CR1: variants seen among roughly 807,000 people sequenced by gnomAD.
CR1 encodes complement C3b/C4b receptor 1 (Knops blood group).
A neutral mutation model predicts 187.3 loss-of-function variants in CR1; 116 were observed. The observed-to-expected ratio is 0.62, with a 90% CI of 0.53 to 0.72. CR1 has a LOEUF of 0.72. Among genes scored for constraint, CR1 ranks in the 30% least tolerant of loss-of-function variants. The pLI, the probability that CR1 is intolerant of heterozygous loss-of-function variation, is 0.00. For missense variants in CR1, 1,731 were observed against 2,110.7 expected (o/e 0.82, Z 3.52); for synonymous variants, 576 against 747.1 (o/e 0.77, Z 3.73).
At position 207,496,403 on chromosome 1, in the gene CR1, G is replaced by A. The variant is rs764815300; in HGVS notation, c.121+15G>A. 7 of 1,595,922 alleles carry A rather than the reference G, an allele frequency of 4.4e-6. No individual in the cohort carries two copies. Among genetic ancestry groups the A allele is most frequent in the Admixed American group, 1.8e-5 (1 of 56,976 alleles). On this transcript the variant is annotated intron_variant, in intron 1 of 46. Coordinates refer to ENST00000367049, the MANE Select transcript of CR1 (RefSeq NM_000651.6). ...GGTGGCCTGGGGTGAGAGGCGGGCG[G>A]GCGTGGGGAGGCGCCCGGGCGGACG...
chr1:207,590,913 T>C (rs1305260755), intron 35 of CR1, among the ~76,000 whole-genome samples: 1 of 152,144 alleles, frequency 6.6e-6, no homozygotes, highest in Non-Finnish European at 1.5e-5. Context: ...CTATCCTAAA[T>C]ATATATGCAC....
intron 5 of CR1, among the ~76,000 whole-genome samples, chr1:207,526,361 A>C (rs560761938): frequency 2.4e-4 from 37 of 151,884 alleles, no homozygotes; most frequent in South Asian, 6.2e-4. Context: ...TTTATTGCTT[A>C]AAATGCAAGA....
chr1:207,520,884 A>G (rs1213586083), intron 4 of CR1, among the ~76,000 whole-genome samples: 1 of 150,692 alleles, frequency 6.6e-6, no homozygotes, highest in African/African-American at 2.4e-5. Context: ...ACTTTAAAAC[A>G]GATTTTTTAC....
intron 1 of CR1, among the ~76,000 whole-genome samples, chr1:207,503,327 T>C (rs2102333175): frequency 6.6e-6 from 1 of 152,358 alleles, no homozygotes; most frequent in Admixed American, 6.5e-5. Context: ...TATACCATTC[T>C]CTTTTTGTAT....
intron 1 of CR1, 111 bp from the exon 2 acceptor site, chr1:207,505,793 G>A (rs574038640): frequency 1.3e-5 from 16 of 1,211,482 alleles, no homozygotes; most frequent in South Asian, 3.1e-5. Context: ...CCAAGATAGC[G>A]CCACTGCACT....
chr1:207,622,001 G>A lies in CR1; in HGVS notation c.7276+5G>A. 10 of 1,595,660 alleles carry A rather than the reference G, an allele frequency of 6.3e-6. No individual in the cohort carries two copies. Among genetic ancestry groups the A allele is most frequent in the Non-Finnish European group, 7.7e-6 (9 of 1,169,324 alleles). On this transcript the variant is annotated splice_donor_5th_base_variant and intron_variant, in intron 44 of 46. Coordinates refer to ENST00000367049, the MANE Select transcript of CR1 (RefSeq NM_000651.6). Reference sequence around the variant, plus strand: ...CACATGATGCTCTCATAGTTGGTAAGTTTTATGAAAGTTTTGCTGAGGAAT... The same window carrying A: ...CACATGATGCTCTCATAGTTGGTAAATTTTATGAAAGTTTTGCTGAGGAAT...
At chr1:207,497,085 T>C (rs1392545929) in intron 1 of CR1, among the ~76,000 whole-genome samples, 1 of 152,152 alleles carries the variant, frequency 6.6e-6, no homozygotes, top group Non-Finnish European at 1.5e-5. Flanking sequence ...ATGCACTTAA[T>C]TGACAGCATA....
At chr1:207,598,421 C>CTTTTTTTTTTTTT (rs11392366) in intron 35 of CR1, among the ~76,000 whole-genome samples, 1 of 148,608 alleles carries the variant, frequency 6.7e-6, no homozygotes, top group Non-Finnish European at 1.5e-5. Flanking sequence ...AAGACAAGAA[C>CTTTTTTTTTTTTT]TTTTTTTTTT....
At chr1:207,565,773 A>C in intron 23 of CR1, 65 bp from the exon 24 acceptor site, 1 of 1,601,562 alleles carries the variant, frequency 6.2e-7, no homozygotes, top group Non-Finnish European at 8.5e-7. Flanking sequence ...GCTGGGCCTT[A>C]GATTGTGAAC....
At chr1:207,584,238 C>A (rs1362744156) in intron 32 of CR1, among the ~76,000 whole-genome samples, 4 of 152,116 alleles carry the variant, frequency 2.6e-5, no homozygotes, top group Non-Finnish European at 5.9e-5. Context: ...AGGATGAAGA[C>A]TCTTGATGTC....
chr1:207,627,838 T>C (rs1200159071), intron 45 of CR1, among the ~76,000 whole-genome samples: 2 of 152,152 alleles, frequency 1.3e-5, no homozygotes, highest in African/African-American at 2.4e-5. Flanking sequence ...GCAAATTCAG[T>C]GTCTGGTGGG....
chr1:207,597,468 C>T (rs963121877), intron 35 of CR1, among the ~76,000 whole-genome samples: 10 of 152,158 alleles, frequency 6.6e-5, no homozygotes, highest in African/African-American at 2.4e-4. Context: ...GGGAAATATA[C>T]AAATGCCCAA....
chr1:207,503,569 T>G (rs1403615868), intron 1 of CR1, among the ~76,000 whole-genome samples: 1 of 152,152 alleles, frequency 6.6e-6, no homozygotes, highest in African/African-American at 2.4e-5. Flanking sequence ...AGCACCATAG[T>G]GTCTCTGAAT....
Position 207,588,722 on chromosome 1 carries a change from A to T in CR1, c.5758A>T (p.Ile1920Leu). ...AGAACCCTTCAATGGAATGGTGCAT[A>T]TAAACACAGATACACAGTTTGGATC... ...PPEPFNGMVH[I>L]NTDTQFGSTV... Residue 1920 changes from isoleucine to leucine, a missense_variant, in exon 35 of 47, where the codon ATA (isoleucine) becomes TTA (leucine). Physicochemically the swap from Ile to Leu is conservative, Grantham distance 5 (BLOSUM62 2). Transcript: ENST00000367049. 6.2e-7 allele frequency: 1 copy of T among 1,613,128 alleles called. No homozygotes were observed. The highest frequency in any genetic ancestry group is 8.5e-7 in the Non-Finnish European group (1 of 1,179,560).
chr1:207,605,902 G>A (rs1024512892), intron 35 of CR1: 2 of 152,114 alleles, frequency 1.3e-5, no homozygotes, highest in Non-Finnish European at 2.9e-5. Context: ...AAACATTGAC[G>A]GTCATTGCCA....
chr1:207,515,564 T>G (rs1019001023), intron 4 of CR1, among the ~76,000 whole-genome samples: 5 of 152,100 alleles, frequency 3.3e-5, no homozygotes, highest in African/African-American at 1.2e-4. Context: ...GATACTCTTT[T>G]GTGTCCAGCT....
At chr1:207,499,116 A>G (rs1176149076) in intron 1 of CR1, among the ~76,000 whole-genome samples, 1 of 152,174 alleles carries the variant, frequency 6.6e-6, no homozygotes, top group Non-Finnish European at 1.5e-5. Flanking sequence ...ACTGTGTACA[A>G]CAAGACCGTT....
intron 42 of CR1, among the ~76,000 whole-genome samples, chr1:207,619,561 C>T (rs1002225133): frequency 6.6e-6 from 1 of 152,166 alleles, no homozygotes; most frequent in Non-Finnish European, 1.5e-5. Flanking sequence ...TGTTCCCTCA[C>T]AGCGTGACCC....
intron 28 of CR1, among the ~76,000 whole-genome samples, chr1:207,576,240 A>C (rs1376137325): frequency 3.9e-5 from 6 of 152,242 alleles, no homozygotes; most frequent in Non-Finnish European, 5.9e-5. Flanking sequence ...TGAGGAAATC[A>C]GCAATTTCAA....
Sources: allele counts gnomAD v4.1 joint callset (sites outside exome capture counted in the v4.1 genomes callset), GRCh38; gene constraint gnomAD v4.1.1; transcripts MANE v1.5; gene names NCBI Gene and HGNC (gene_info 2026-07-23, HGNC 2026-07-21).